Variants in PRTN3 observed in about 807,000 individuals in gnomAD.
The protein encoded by PRTN3 is proteinase 3.
PRTN3 carries 22 observed loss-of-function variants against 20.7 expected under a neutral mutation model. The ratio of observed to expected loss-of-function variants is 1.06; its 90% CI spans 0.76 to 1.52. The LOEUF (loss-of-function observed/expected upper bound fraction) is 1.52, where lower values mean the gene tolerates loss of function less well. Ranked by LOEUF, PRTN3 falls within the 40% of genes most tolerant of loss-of-function variation. The pLI is 0.00. For synonymous variants in PRTN3, 173 were observed against 152.9 expected (o/e 1.13, Z -0.97); for missense variants, 378 against 359.6 (o/e 1.05, Z -0.41).
intron 3 of PRTN3, 82 bp downstream of exon 3, chr19:844,116 G>A: frequency 6.7e-7 from 1 of 1,492,896 alleles, no homozygotes; most frequent in South Asian, 1.3e-5. Flanking sequence ...AGCATTCATT[G>A]AGCACCCACT....
chr19:844,072 G>A (rs771299013), intron 3 of PRTN3, 38 bp downstream of exon 3: 7 of 1,568,020 alleles, frequency 4.5e-6, no homozygotes, highest in East Asian at 2.3e-5. Context: ...GAGGGGCACG[G>A]CCAGAGGGCT....
intron 4 of PRTN3, among the ~76,000 whole-genome samples, chr19:847,555 A>G (rs201299748): frequency 7.8e-5 from 9 of 115,822 alleles, no homozygotes; most frequent in African/African-American, 3.4e-4. Context: ...AAGAAAAAGA[A>G]AGAGAGAGAG....
intron 3 of PRTN3, among the ~76,000 whole-genome samples, chr19:845,583 A>G (rs2035505517): frequency 6.6e-6 from 1 of 151,838 alleles, no homozygotes; most frequent in Admixed American, 6.6e-5. Context: ...GCGTGACGGC[A>G]GGTGTCTGTA....
chr19:843,893 A>G lies in PRTN3; in HGVS notation c.228A>G (p.Ile76Met). 6.3e-7 allele frequency: 1 copy of G among 1,586,962 alleles called. No homozygotes were observed. Among genetic ancestry groups the G allele is most frequent in the Non-Finnish European group, 8.6e-7 (1 of 1,168,622 alleles). The change falls in exon 3 of 5, where the codon ATA becomes ATG. Residue 76 changes from isoleucine (I) to methionine (M), a missense_variant and splice_region_variant. By Grantham distance (10) the Ile-to-Met change is conservative (BLOSUM62 1). Transcript: ENST00000234347. ...VLTAAHCLRD[I>M]PQRLVNVVLG... is the part of the protein sequence containing the mutation. The stretch of plus-strand genomic sequence containing the variant: ...AGGAGTGACCACCCCACCCCCGCAG[A>G]CCCCAGCGCCTGGTGAACGTGGTGC...
rs117833658 is a variant in PRTN3, at chr19:846,018, G to T, written c.370-129G>T. ...CAAATGGGACAAAGGGGGTCGTGGGGCCCAGGCGGAGGGAGCGGCATCCGC... is the reference window on the plus strand; with the variant it reads ...CAAATGGGACAAAGGGGGTCGTGGGTCCCAGGCGGAGGGAGCGGCATCCGC... On this transcript the variant is annotated intron_variant, in intron 3 of 4. Coordinates refer to ENST00000234347, the MANE Select transcript of PRTN3 (RefSeq NM_002777.4). 3.0e-3 allele frequency: 1,762 copies of T among 590,686 alleles called. 42 individuals are homozygous for T. The East Asian group carries it at 0.043, about 14-fold the overall frequency. The allele number at this position is 590,686 out of a possible 1,614,324, so 36.6% of individuals were successfully genotyped here.
In PRTN3 at chr19:846,449, G is replaced by A. The variant is rs560471022; in HGVS notation, c.600+72G>A. 3.7e-5 allele frequency: 52 copies of A among 1,410,632 alleles called. No homozygotes were observed. In the East Asian group the frequency reaches 5.5e-4, roughly 15 times the overall value. 87.4% of individuals were successfully genotyped at this position (1,410,632 alleles called of 1,614,324 possible). On this transcript the variant is annotated intron_variant, in intron 4 of 4. Transcript: ENST00000234347. ...AGGAGGGCGGCGGCCAGGGTTCCAC[G>A]CCACCTCTTAGCTGTGTGGCTTCAT... is the stretch of plus-strand genomic sequence containing the variant.
In PRTN3 at chr19:846,142, C is replaced by A; in HGVS notation, c.370-5C>A. 1 of 1,417,006 alleles carries A rather than the reference C, an allele frequency of 7.1e-7. No individual in the cohort carries two copies. The highest frequency in any genetic ancestry group is 9.2e-7 in the Non-Finnish European group (1 of 1,085,242). 87.8% of individuals were successfully genotyped at this position (1,417,006 alleles called of 1,614,324 possible). On this transcript the variant is annotated splice_polypyrimidine_tract_variant and splice_region_variant and intron_variant, in intron 3 of 4. Transcript: ENST00000234347. ...CGTCTCACCGCCGCCTGCCTTCTGCCCCAGCTGAGCAGCCCAGCCAACCTC... is the reference window on the plus strand; with the variant it reads ...CGTCTCACCGCCGCCTGCCTTCTGCACCAGCTGAGCAGCCCAGCCAACCTC...
intron 1 of PRTN3, among the ~76,000 whole-genome samples, chr19:842,083 T>C (rs934796225): frequency 1.3e-5 from 2 of 151,694 alleles, no homozygotes; most frequent in African/African-American, 2.4e-5. Context: ...TGGAGTGCAG[T>C]GGTGCAATCT....
chr19:846,442 G>A, intron 4 of PRTN3, 65 bp downstream of exon 4: 1 of 1,443,688 alleles, frequency 6.9e-7, no homozygotes, highest in Admixed American at 2.2e-5. Flanking sequence ...GGCGGCCAGG[G>A]TTCCACGCCA....
In PRTN3 at chr19:846,254, C is replaced by T. The variant is rs145299279; in HGVS notation, c.477C>T (p.Arg159=). Reference sequence around the variant, plus strand: ...AGTGCCTGGCCATGGGCTGGGGCCGCGTGGGTGCCCACGACCCCCCAGCCC... The same window carrying T: ...AGTGCCTGGCCATGGGCTGGGGCCGTGTGGGTGCCCACGACCCCCCAGCCC... ...GTQCLAMGWG[R]VGAHDPPAQV... Residue 159 remains arginine (R), a synonymous_variant, in exon 4 of 5, where the codon CGC becomes CGT. Transcript: ENST00000234347. 2.5e-4 allele frequency: 386 copies of T among 1,565,492 alleles called. No individual in the cohort carries two copies. The highest frequency in any genetic ancestry group is 4.9e-4 in the African/African-American group (36 of 73,520).
chr19:846,391 C>T lies in PRTN3; in HGVS notation c.600+14C>T. ...GGCATCTGCTTCGTAAGTAACCGTG[C>T]CCCCACCCCGGGCACCGGGCTGCCA... On this transcript the variant is annotated intron_variant, in intron 4 of 4. Transcript: ENST00000234347. 1.9e-6 allele frequency: 3 copies of T among 1,546,952 alleles called. No individual in the cohort carries two copies. Among genetic ancestry groups the T allele is most frequent in the Admixed American group, 2.0e-5 (1 of 50,050 alleles).
intron 1 of PRTN3, among the ~76,000 whole-genome samples, chr19:842,691 G>A (rs1006629033): frequency 2.7e-5 from 4 of 149,554 alleles, no homozygotes; most frequent in Non-Finnish European, 4.4e-5. Flanking sequence ...GGGTTCAAGC[G>A]ATTCTCCTGC....
Position 846,450 on chromosome 19 carries a change from C to A in PRTN3, c.600+73C>A. 5 of 1,407,110 alleles carry A rather than the reference C, an allele frequency of 3.6e-6. No homozygotes were observed. The South Asian group carries it at 3.8e-5, about 11-fold the overall frequency. 87.2% of individuals were successfully genotyped at this position (1,407,110 alleles called of 1,614,324 possible). A position where few individuals can be genotyped will look rare whatever the true frequency, so the allele number is the denominator to read the frequency against. ...GGAGGGCGGCGGCCAGGGTTCCACG[C>A]CACCTCTTAGCTGTGTGGCTTCATG... On this transcript the variant is annotated intron_variant, in intron 4 of 4. Transcript: ENST00000234347.
rs551079189 is a variant in PRTN3 at position 841,040 on chromosome 19, C to T, written c.32C>T (p.Ala11Val). ...CACCGGCCCCCCAGCCCTGCCCTGG[C>T]GTCCGTGCTGCTGGCCTTGCTGCTG... MAHRPPSPAL[A>V]SVLLALLLSG... The change falls in exon 1 of 5, where the codon GCG becomes GTG. Residue 11 changes from alanine to valine, a missense_variant. Physicochemically the swap from Ala to Val is moderately conservative, Grantham distance 64. Coordinates refer to ENST00000234347, the MANE Select transcript of PRTN3 (RefSeq NM_002777.4). 43 of 1,608,222 alleles carry T rather than the reference C, an allele frequency of 2.7e-5. No individual in the cohort carries two copies. The highest frequency in any genetic ancestry group is 1.2e-4 in the Admixed American group (7 of 59,960).
chr19:842,522 C>A (rs1381686201), intron 1 of PRTN3, among the ~76,000 whole-genome samples: 2 of 133,718 alleles, frequency 1.5e-5, no homozygotes, highest in Non-Finnish European at 3.1e-5. Flanking sequence ...TGGGTTCAAG[C>A]GATTCTCCTG....
chr19:841,104 A>G, intron 1 of PRTN3, 35 bp downstream of exon 1: 1 of 1,596,894 alleles, frequency 6.3e-7, no homozygotes, highest in Non-Finnish European at 8.5e-7. Flanking sequence ...TCCAGCCTCC[A>G]GGCCCCGGTG....
chr19:847,597 G>T (rs1186573823), intron 4 of PRTN3, among the ~76,000 whole-genome samples: 1 of 151,886 alleles, frequency 6.6e-6, no homozygotes. Context: ...AAGAAAGAAA[G>T]TTCCATATTG....
rs201970320 is a variant in PRTN3 at position 841,022 on chromosome 19, C to T, written c.14C>T (p.Pro5Leu). ...CTGGACCCCACCATGGCTCACCGGCCCCCCAGCCCTGCCCTGGCGTCCGTG... is the reference window on the plus strand; with the variant it reads ...CTGGACCCCACCATGGCTCACCGGCTCCCCAGCCCTGCCCTGGCGTCCGTG... MAHR[P>L]PSPALASVLL... The change falls in exon 1 of 5, where the codon CCC becomes CTC. Residue 5 changes from proline to leucine, a missense_variant. By Grantham distance (98) the Pro-to-Leu change is moderately conservative. Transcript: ENST00000234347. 3 of 1,609,226 alleles carry T rather than the reference C, an allele frequency of 1.9e-6. No homozygotes were observed. The East Asian group carries it at 6.7e-5, about 36-fold the overall frequency.
At position 846,340 on chromosome 19, in the gene PRTN3, G is replaced by T; in HGVS notation, c.563G>T (p.Cys188Phe). The change falls in exon 4 of 5, where the codon TGC becomes TTC. Residue 188 changes from cysteine to phenylalanine, a missense_variant. Cys to Phe is a radical substitution (Grantham distance 205). Transcript: ENST00000234347. ...VTFFCRPHNICTFVPRRKAGI... is the reference protein window; with the variant it reads ...VTFFCRPHNIFTFVPRRKAGI... ...TTCTTCTGCCGGCCACATAACATTT[G>T]CACTTTCGTCCCTCGCCGCAAGGCC... The T allele has an allele frequency of 1.3e-6, 2 of 1,580,830 alleles. No individual in the cohort carries two copies. Among genetic ancestry groups the T allele is most frequent in the Admixed American group, 1.8e-5 (1 of 55,376 alleles).
Sources: allele counts gnomAD v4.1 joint callset (sites outside exome capture counted in the v4.1 genomes callset), GRCh38; gene constraint gnomAD v4.1.1; transcripts MANE v1.5; gene names NCBI Gene and HGNC (gene_info 2026-07-23, HGNC 2026-07-21).